Variants in TRABD2B observed in about 807,000 individuals in gnomAD.
TRABD2B encodes the protein TraB domain containing 2B, also known as metalloprotease TIKI2.
TRABD2B carries 14 observed loss-of-function variants against 40.1 expected under a neutral mutation model. That is an observed-to-expected ratio of 0.35 (90% confidence interval 0.23 to 0.55). TRABD2B has a LOEUF of 0.55. TRABD2B is among the 20% of genes least tolerant of loss of function. The pLI, the probability that TRABD2B is intolerant of heterozygous loss-of-function variation, is 0.90. For missense variants in TRABD2B, 541 were observed against 648.6 expected (o/e 0.83, Z 1.80); for synonymous variants, 263 against 277.0 (o/e 0.95, Z 0.50).
At chr1:47,832,928 T>A (rs547741438) in intron 2 of TRABD2B, among the ~76,000 whole-genome samples, 1 of 152,178 alleles carries the variant, frequency 6.6e-6, no homozygotes, top group Admixed American at 6.5e-5. Context: ...ACCCTCCACC[T>A]GGCTGTCACA....
intron 2 of TRABD2B, among the ~76,000 whole-genome samples, chr1:47,906,746 G>A (rs1025398099): frequency 1.5e-4 from 23 of 152,238 alleles, no homozygotes; most frequent in Non-Finnish European, 3.4e-4. Context: ...CCAGAATCTT[G>A]GCTAGGATGG....
chr1:47,797,609 GA>G (rs1644765387), intron 3 of TRABD2B, among the ~76,000 whole-genome samples: 1 of 152,134 alleles, frequency 6.6e-6, no homozygotes, highest in Admixed American at 6.5e-5. Flanking sequence ...TTAAAGCCAT[GA>G]AGGAAACTGG....
rs907884485 is a variant in TRABD2B at position 47,765,412 on chromosome 1, C to T, written c.*490G>A. On this transcript the variant is annotated 3_prime_UTR_variant, in exon 7 of 7. Transcript: ENST00000606738. Reference sequence around the variant, plus strand: ...AGGGGAGGATGGCCAACGTTCACACCTCTGGCTCCCAAATCCAGCTTCACA... The same window carrying T: ...AGGGGAGGATGGCCAACGTTCACACTTCTGGCTCCCAAATCCAGCTTCACA... 12 of 157,060 alleles carry T rather than the reference C, an allele frequency of 7.6e-5. No homozygotes were observed. The highest frequency in any genetic ancestry group is 2.9e-4 in the African/African-American group (12 of 41,504). 9.7% of individuals were successfully genotyped at this position (157,060 alleles called of 1,614,324 possible). A position where few individuals can be genotyped will look rare whatever the true frequency, so the allele number is the denominator to read the frequency against.
At chr1:47,811,580 G>C (rs1644965630) in intron 2 of TRABD2B, among the ~76,000 whole-genome samples, 1 of 152,220 alleles carries the variant, frequency 6.6e-6, no homozygotes, top group African/African-American at 2.4e-5. Flanking sequence ...CACATGATGA[G>C]ATTAGCATTC....
chr1:47,950,067 C>T (rs1351692856), intron 2 of TRABD2B, among the ~76,000 whole-genome samples: 1 of 152,008 alleles, frequency 6.6e-6, no homozygotes, highest in Admixed American at 6.5e-5. Flanking sequence ...AGACGGATCA[C>T]GAGGTCAGGA....
intron 4 of TRABD2B, 63 bp downstream of exon 4, chr1:47,794,523 G>A (rs1644718752): frequency 6.9e-7 from 1 of 1,458,494 alleles, no homozygotes; most frequent in Non-Finnish European, 9.1e-7. Context: ...GTAGAGGTTA[G>A]GGGAGAGCCA....
chr1:47,912,463 G>A (rs992901853), intron 2 of TRABD2B, among the ~76,000 whole-genome samples: 6 of 152,302 alleles, frequency 3.9e-5, no homozygotes, highest in East Asian at 1.9e-4. Context: ...AAACCCAGCC[G>A]TCTTTTGGTT....
Position 47,905,235 on chromosome 1 carries a change from T to C in TRABD2B, c.666+88799A>G, listed in dbSNP as rs141104068. ...TGGAGGGGAGCAGGTTCTCAATAAA[T>C]AGTGGCTAAGTTTAAACTCCATTCC... On this transcript the variant is annotated intron_variant, in intron 2 of 6. Transcript: ENST00000606738. Among the ~76,000 whole-genome samples the C allele has an allele frequency of 4.8e-3, 738 of 152,316 alleles. 7 individuals are homozygous for C. Among genetic ancestry groups the C allele is most frequent in the African/African-American group, 0.017 (712 of 41,578 alleles).
intron 2 of TRABD2B, among the ~76,000 whole-genome samples, chr1:47,887,738 G>C (rs1644389800): frequency 6.6e-6 from 1 of 152,134 alleles, no homozygotes; most frequent in Non-Finnish European, 1.5e-5. Flanking sequence ...GAAGAGCAGC[G>C]AAGAAAGGGT....
chr1:47,809,160 C>T (rs1442624939), intron 2 of TRABD2B, among the ~76,000 whole-genome samples: 1 of 152,152 alleles, frequency 6.6e-6, no homozygotes, highest in Non-Finnish European at 1.5e-5. Flanking sequence ...CAGGAGAACT[C>T]TGAGCCATGG....
At chr1:47,992,553 C>T (rs1376129903) in intron 2 of TRABD2B, among the ~76,000 whole-genome samples, 2 of 152,160 alleles carry the variant, frequency 1.3e-5, no homozygotes, top group Non-Finnish European at 2.9e-5. Context: ...AAAAAGATAT[C>T]GAGGCCAGAC....
At chr1:47,893,509 C>T (rs1644477947) in intron 2 of TRABD2B, among the ~76,000 whole-genome samples, 1 of 152,226 alleles carries the variant, frequency 6.6e-6, no homozygotes, top group African/African-American at 2.4e-5. Flanking sequence ...GAAAGCCCTA[C>T]TTTTACCTGC....
chr1:47,927,913 C>G (rs1464636052), intron 2 of TRABD2B, among the ~76,000 whole-genome samples: 5 of 152,174 alleles, frequency 3.3e-5, no homozygotes, highest in African/African-American at 9.7e-5. Context: ...GATGGGGGAC[C>G]CTTGGAGAGG....
intron 2 of TRABD2B, among the ~76,000 whole-genome samples, chr1:47,990,767 GGTTTTATATATATATA>G (rs1645990034): frequency 6.0e-5 from 4 of 66,638 alleles, no homozygotes; most frequent in African/African-American, 2.4e-4. Context: ...TTAAAACGTT[GGTTTTATATATATATA>G]TATATATATA....
intron 2 of TRABD2B, among the ~76,000 whole-genome samples, chr1:47,892,417 G>T (rs1247622619): frequency 6.6e-6 from 1 of 152,218 alleles, no homozygotes; most frequent in Non-Finnish European, 1.5e-5. Flanking sequence ...CTAGAGATGT[G>T]TATTTGCCAC....
intron 2 of TRABD2B, among the ~76,000 whole-genome samples, chr1:47,828,902 G>C (rs988696912): frequency 1.1e-4 from 17 of 152,146 alleles, no homozygotes; most frequent in Admixed American, 1.1e-3. Context: ...CCTTCCCCAC[G>C]AGCCTCTCAA....
intron 4 of TRABD2B, among the ~76,000 whole-genome samples, chr1:47,793,868 C>G (rs1201207013): frequency 6.6e-6 from 1 of 152,128 alleles, no homozygotes; most frequent in Non-Finnish European, 1.5e-5. Context: ...TGCACCTGAA[C>G]ATGTAGACTC....
chr1:47,908,339 G>T (rs1209665698), intron 2 of TRABD2B, among the ~76,000 whole-genome samples: 9 of 152,056 alleles, frequency 5.9e-5, no homozygotes, highest in Non-Finnish European at 1.3e-4. Context: ...CTTTTACGAT[G>T]ATTACATAAA....
At position 47,794,752 on chromosome 1, in the gene TRABD2B, G is replaced by T; in HGVS notation, c.822C>A (p.Asn274Lys). 1 of 1,510,424 alleles carries T rather than the reference G, an allele frequency of 6.6e-7. No individual in the cohort carries two copies. Among genetic ancestry groups the T allele is most frequent in the Non-Finnish European group, 8.8e-7 (1 of 1,131,478 alleles). The allele number at this position is 1,510,424 out of a possible 1,614,324, so 93.6% of individuals were successfully genotyped here. Residue 274 changes from asparagine to lysine, a missense_variant, in exon 4 of 7, where the codon AAC becomes AAA. Coordinates refer to ENST00000606738, the MANE Select transcript of TRABD2B (RefSeq NM_001194986.2). ...GTGGCGGGAGGGTGGTGTTGATAAA[G>T]TTGGGCAGCTGCAAAGGCAAGACAG... Reference protein sequence around the residue: ...IFNHDTSQLPNFINTTLPPHE... With the variant: ...IFNHDTSQLPKFINTTLPPHE...
Sources: gnomAD v4.1 joint callset for allele counts (sites outside exome capture counted in the v4.1 genomes callset) on GRCh38, gnomAD v4.1.1 for gene constraint, MANE v1.5 for transcripts, NCBI Gene and HGNC (gene_info 2026-07-23, HGNC 2026-07-21) for gene names.